The following ST18 variants were observed in gnomAD, a reference collection of about 807,000 sequenced individuals.
The protein encoded by ST18 is suppression of tumorigenicity 18 protein.
Under a neutral mutation model 110.0 loss-of-function variants are expected in ST18, and 50 were observed. The ratio of observed to expected loss-of-function variants is 0.45; its 90% CI spans 0.36 to 0.58. The LOEUF (loss-of-function observed/expected upper bound fraction) is 0.58. Among genes scored for constraint, ST18 ranks in the 20% least tolerant of loss-of-function variants. ST18 has a pLI of 0.00. For missense variants in ST18, 1,306 were observed against 1,280.1 expected (o/e 1.02, Z -0.31); for synonymous variants, 461 against 452.4 (o/e 1.02, Z -0.24).
Position 52,245,338 on chromosome 8 carries a change from A to G in ST18, c.-464-15261T>C, listed in dbSNP as rs28539102. On this transcript the variant is annotated intron_variant, in intron 2 of 25. Transcript: ENST00000689386. ...TTTAAAAAATTAACCATTTCCTTTCAGTTTGCTTCTGCCTGTCATTATAAG... is the reference window on the plus strand; with the variant it reads ...TTTAAAAAATTAACCATTTCCTTTCGGTTTGCTTCTGCCTGTCATTATAAG... Among the ~76,000 whole-genome samples, 1,472 of 152,194 alleles carry G rather than the reference A, an allele frequency of 9.7e-3. 19 individuals are homozygous for G. The highest frequency in any genetic ancestry group is 0.034 in the African/African-American group (1,405 of 41,542).
intron 2 of ST18, among the ~76,000 whole-genome samples, chr8:52,295,710 C>CTTTTTTTTT (rs371927202): frequency 7.6e-6 from 1 of 130,846 alleles, no homozygotes; most frequent in Non-Finnish European, 1.6e-5. Context: ...TCTTTTTTTC[C>CTTTTTTTTT]TTTTTTTTTT....
chr8:52,153,866 A>C (rs997008364), intron 15 of ST18, among the ~76,000 whole-genome samples: 1 of 152,362 alleles, frequency 6.6e-6, no homozygotes, highest in South Asian at 2.1e-4. Flanking sequence ...TCTGCTTTAC[A>C]GAAATTCTAG....
intron 2 of ST18, chr8:52,254,249 C>A (rs181524787): frequency 1.1e-4 from 16 of 152,212 alleles, no homozygotes; most frequent in Admixed American, 9.2e-4. Context: ...TTTAAACTTA[C>A]TTTTTTGTTT....
intron 6 of ST18, among the ~76,000 whole-genome samples, chr8:52,215,238 C>T (rs1236776569): frequency 6.6e-6 from 1 of 152,178 alleles, no homozygotes; most frequent in Admixed American, 6.5e-5. Flanking sequence ...CTGCCATAGA[C>T]TTATAATAGG....
chr8:52,341,023 C>A (rs1174731154), intron 2 of ST18, among the ~76,000 whole-genome samples: 4 of 152,142 alleles, frequency 2.6e-5, no homozygotes, highest in Non-Finnish European at 5.9e-5. Context: ...ATGAGATTGG[C>A]AGTTACCCTA....
intron 2 of ST18, chr8:52,294,398 C>T (rs140165731): frequency 6.6e-6 from 1 of 152,382 alleles, no homozygotes; most frequent in Non-Finnish European, 1.5e-5. Context: ...GGCCATCAGT[C>T]AGCAGGATGC....
intron 2 of ST18, among the ~76,000 whole-genome samples, chr8:52,346,104 T>A (rs1430639977): frequency 1.3e-5 from 2 of 151,280 alleles, no homozygotes; most frequent in Admixed American, 1.3e-4. Context: ...ATAATAAAAT[T>A]AAAAACAGTA....
chr8:52,386,987 A>G (rs999144425), intron 2 of ST18, among the ~76,000 whole-genome samples: 9 of 152,190 alleles, frequency 5.9e-5, no homozygotes, highest in African/African-American at 1.9e-4. Context: ...TGCAAAACAC[A>G]TTCAGCTTTT....
chr8:52,287,023 A>C (rs2095481827), intron 2 of ST18, among the ~76,000 whole-genome samples: 1 of 152,200 alleles, frequency 6.6e-6, no homozygotes, highest in Non-Finnish European at 1.5e-5. Context: ...TACAATATCC[A>C]AGGCTGAAAC....
At chr8:52,154,368 C>T (rs538760794) in intron 15 of ST18, 1 of 152,222 alleles carries the variant, frequency 6.6e-6, no homozygotes, top group South Asian at 2.1e-4. Flanking sequence ...TTTTTGTTTT[C>T]TTTTAAGGCA....
chr8:52,191,656 C>G (rs547012598), intron 8 of ST18, among the ~76,000 whole-genome samples: 1 of 152,248 alleles, frequency 6.6e-6, no homozygotes, highest in Admixed American at 6.5e-5. Context: ...TGAAGTTGGT[C>G]AGCAGGTCAC....
At chr8:52,223,759 A>G (rs574821115) in intron 3 of ST18, among the ~76,000 whole-genome samples, 40 of 152,200 alleles carry the variant, frequency 2.6e-4, no homozygotes, top group Non-Finnish European at 4.7e-4. Context: ...TTAACATGAA[A>G]TGGATGTAGC....
At chr8:52,170,484 A>T (rs946327321) in intron 10 of ST18, among the ~76,000 whole-genome samples, 6 of 151,546 alleles carry the variant, frequency 4.0e-5, no homozygotes, top group African/African-American at 1.5e-4. Context: ...ATAAATAAAT[A>T]AATAAATAAA....
chr8:52,336,753 T>C (rs1476057154), intron 2 of ST18, among the ~76,000 whole-genome samples: 1 of 152,134 alleles, frequency 6.6e-6, no homozygotes, highest in Non-Finnish European at 1.5e-5. Flanking sequence ...ATACAAACAC[T>C]GGAATTGGGC....
chr8:52,200,539 T>C (rs1289292114), intron 8 of ST18, among the ~76,000 whole-genome samples: 1 of 152,150 alleles, frequency 6.6e-6, no homozygotes, highest in Non-Finnish European at 1.5e-5. Flanking sequence ...AGTAAAGATG[T>C]GGTCTTTTCC....
At chr8:52,352,054 C>T (rs1160987480) in intron 2 of ST18, among the ~76,000 whole-genome samples, 2 of 152,124 alleles carry the variant, frequency 1.3e-5, no homozygotes, top group Non-Finnish European at 2.9e-5. Context: ...CTGCAGAGCA[C>T]CTGGAGTTGG....
chr8:52,220,298 A>G (rs961966393), intron 5 of ST18, among the ~76,000 whole-genome samples: 1 of 152,212 alleles, frequency 6.6e-6, no homozygotes, highest in African/African-American at 2.4e-5. Flanking sequence ...GAATAATCCA[A>G]TTATTACTTT....
intron 2 of ST18, among the ~76,000 whole-genome samples, chr8:52,401,410 G>A (rs1054345015): frequency 1.3e-5 from 2 of 152,068 alleles, no homozygotes; most frequent in Non-Finnish European, 2.9e-5. Flanking sequence ...TGTTAAATAA[G>A]TTTTCCATGC....
At chr8:52,202,678 G>T (rs2078429780) in intron 8 of ST18, among the ~76,000 whole-genome samples, 1 of 152,184 alleles carries the variant, frequency 6.6e-6, no homozygotes. Flanking sequence ...GAGCCTGAAA[G>T]AATGAGTACA....
Sources: allele counts gnomAD v4.1 joint callset (sites outside exome capture counted in the v4.1 genomes callset), GRCh38; gene constraint gnomAD v4.1.1; transcripts MANE v1.5; gene names NCBI Gene and HGNC (gene_info 2026-07-23, HGNC 2026-07-21).